The following FAM120A variants were observed in gnomAD, a reference collection of about 807,000 sequenced individuals.
FAM120A encodes family with sequence similarity 120 member A.
Under a neutral mutation model 109.7 loss-of-function variants are expected in FAM120A, and 15 were observed. The observed-to-expected ratio is 0.14, with a 90% CI of 0.09 to 0.21. FAM120A has a LOEUF of 0.21. Ranked by LOEUF, FAM120A falls within the 10% of genes least tolerant of loss-of-function variation. The pLI is 1.00. For synonymous variants in FAM120A, 493 were observed against 572.8 expected (o/e 0.86, Z 1.99); for missense variants, 899 against 1,439.3 (o/e 0.62, Z 6.07).
intron 12 of FAM120A, among the ~76,000 whole-genome samples, chr9:93,551,851 A>G (rs1010283915): frequency 6.6e-6 from 1 of 152,244 alleles, no homozygotes; most frequent in African/African-American, 2.4e-5. Flanking sequence ...TTTACTTTGT[A>G]GATCAAGCTT....
At chr9:93,557,770 A>C in intron 13 of FAM120A, 57 bp from the exon 14 acceptor site, 1 of 1,524,368 alleles carries the variant, frequency 6.6e-7, no homozygotes, top group Non-Finnish European at 8.9e-7. Flanking sequence ...TGCTCATTTA[A>C]ATTCAATTAA....
In FAM120A at chr9:93,498,214, G is replaced by T. The variant is rs1489782066; in HGVS notation, c.934-576G>T. ...TTGAGACTAGCCTGGCCAACATGGT[G>T]AAACCCTGTCTCTATTAAAAATACA... On this transcript the variant is annotated intron_variant, in intron 4 of 17. Transcript: ENST00000277165. This position sits in a 1 kb window ranked among gnomAD's most constrained non-coding sequence, Gnocchi z 4.4. Among the ~76,000 whole-genome samples, 1 of 152,198 alleles carries T rather than the reference G, an allele frequency of 6.6e-6. No homozygotes were observed. The highest frequency in any genetic ancestry group is 1.5e-5 in the Non-Finnish European group (1 of 68,038).
chr9:93,536,569 A>G (rs1861525768), intron 10 of FAM120A, among the ~76,000 whole-genome samples: 1 of 152,170 alleles, frequency 6.6e-6, no homozygotes, highest in Admixed American at 6.5e-5. Flanking sequence ...AAAATATTTA[A>G]CTCTCAGCAG....
intron 12 of FAM120A, among the ~76,000 whole-genome samples, chr9:93,553,535 C>A (rs947527286): frequency 6.6e-6 from 1 of 152,154 alleles, no homozygotes; most frequent in African/African-American, 2.4e-5. Context: ...TTGAGCTAAT[C>A]GGTCAGAGAG....
rs571304663 is a variant in FAM120A, at chr9:93,460,488, C to T, written c.474+8099C>T. On this transcript the variant is annotated intron_variant, in intron 1 of 17. Coordinates refer to ENST00000277165, the MANE Select transcript of FAM120A (RefSeq NM_014612.5). ...TCCCAAGTAGCTGGGATTACAGGCA[C>T]GCCATGCCCAGCTAATTTTTGTATT... Among the ~76,000 whole-genome samples, 63 of 152,118 alleles carry T rather than the reference C, an allele frequency of 4.1e-4. 1 individual carries two copies. In the South Asian group the frequency reaches 6.0e-3, roughly 15 times the overall value.
intron 7 of FAM120A, among the ~76,000 whole-genome samples, chr9:93,520,333 C>T (rs1446358729): frequency 1.3e-5 from 2 of 152,156 alleles, no homozygotes; most frequent in Non-Finnish European, 2.9e-5. Flanking sequence ...AATGCGCTCT[C>T]TCCTGGGCAA....
At chr9:93,455,666 ATCT>A (rs1309983430) in intron 1 of FAM120A, among the ~76,000 whole-genome samples, 1 of 151,490 alleles carries the variant, frequency 6.6e-6, no homozygotes, top group East Asian at 1.9e-4. Context: ...GCTTAGAGAA[ATCT>A]TTTTTTTTTT....
Position 93,498,781 on chromosome 9 carries a change from T to C in FAM120A, c.934-9T>C. ...CTAATTTATGAAGGTTTTCCTGCCT[T>C]TATTTCAGTCTAGAACAGATGACAA... On this transcript the variant is annotated splice_polypyrimidine_tract_variant and intron_variant, in intron 4 of 17. Transcript: ENST00000277165. The surrounding 1 kb of genome is among the most constrained non-coding windows in gnomAD (Gnocchi z 4.4). The C allele has an allele frequency of 6.4e-7, 1 of 1,572,272 alleles. No homozygotes were observed. The highest frequency in any genetic ancestry group is 8.8e-7 in the Non-Finnish European group (1 of 1,142,164).
chr9:93,564,138 T>C, intron 17 of FAM120A, 91 bp from the exon 18 acceptor site: 1 of 1,298,076 alleles, frequency 7.7e-7, no homozygotes, highest in South Asian at 1.4e-5. Context: ...CTCTTGAATC[T>C]GCAGAGAGTG....
In FAM120A at chr9:93,498,640, A is replaced by AT. The variant is rs1859677229; in HGVS notation, c.934-146dup. The AT allele has an allele frequency of 3.0e-6, 2 of 663,984 alleles. No individual in the cohort carries two copies. Among genetic ancestry groups the AT allele is most frequent in the Admixed American group, 5.4e-5 (2 of 36,858 alleles). The allele number at this position is 663,984 out of a possible 1,614,324, so 41.1% of individuals were successfully genotyped here. ...TTGATTCTTTTGTAGTAATCTATTG[A>AT]TTTTCCCTGAAAGTTTTAATGTCAT... On this transcript the variant is annotated intron_variant, in intron 4 of 17. Transcript: ENST00000277165. The surrounding 1 kb of genome is among the most constrained non-coding windows in gnomAD (Gnocchi z 4.4).
intron 7 of FAM120A, among the ~76,000 whole-genome samples, chr9:93,525,657 C>A (rs1432184026): frequency 7.2e-5 from 11 of 152,236 alleles, no homozygotes; most frequent in African/African-American, 2.4e-4. Context: ...TGCTCATCCA[C>A]CTCCTGAGCC....
chr9:93,562,562 G>A (rs1181001041), intron 17 of FAM120A, among the ~76,000 whole-genome samples: 2 of 152,006 alleles, frequency 1.3e-5, no homozygotes, highest in South Asian at 2.1e-4. Flanking sequence ...GTAGCTTCCC[G>A]CCTGGTGTGA....
chr9:93,496,144 T>A (rs1859567629), intron 3 of FAM120A, among the ~76,000 whole-genome samples: 1 of 152,226 alleles, frequency 6.6e-6, no homozygotes, highest in African/African-American at 2.4e-5. Context: ...CCACCACATC[T>A]GCAGTGACTT....
chr9:93,492,243 T>A (rs192364661), intron 3 of FAM120A, among the ~76,000 whole-genome samples: 1 of 152,310 alleles, frequency 6.6e-6, no homozygotes, highest in East Asian at 1.9e-4. Flanking sequence ...TAACTTCTCA[T>A]ACATATATGC....
At chr9:93,483,234 TA>T (rs1320409603) in intron 3 of FAM120A, among the ~76,000 whole-genome samples, 2 of 152,224 alleles carry the variant, frequency 1.3e-5, no homozygotes, top group Non-Finnish European at 2.9e-5. Flanking sequence ...TCACTTCATA[TA>T]TTTTTTTCTT....
At chr9:93,521,863 A>G (rs767630589) in intron 7 of FAM120A, among the ~76,000 whole-genome samples, 7 of 152,218 alleles carry the variant, frequency 4.6e-5, no homozygotes, top group Non-Finnish European at 8.8e-5. Flanking sequence ...TGAGGCAGGC[A>G]GATCACTTGA....
Position 93,452,803 on chromosome 9 carries a change from T to C in FAM120A, c.474+414T>C. ...CTGTTCTTTCCCAGCAACAGGTTCA[T>C]CTTGGAAGCAGGCAGGATACAGAGT... On this transcript the variant is annotated intron_variant, in intron 1 of 17. Transcript: ENST00000277165. This position sits in a 1 kb window ranked among gnomAD's most constrained non-coding sequence, Gnocchi z 7.0. 6.3e-7 allele frequency: 1 copy of C among 1,587,672 alleles called. No individual in the cohort carries two copies. The highest frequency in any genetic ancestry group is 8.5e-7 in the Non-Finnish European group (1 of 1,175,334).
chr9:93,491,207 C>T (rs1483951311), intron 3 of FAM120A, among the ~76,000 whole-genome samples: 5 of 152,196 alleles, frequency 3.3e-5, no homozygotes, highest in Non-Finnish European at 7.3e-5. Context: ...ACCACTGACC[C>T]AACCCCAAGA....
chr9:93,524,504 A>G (rs1860983986), intron 7 of FAM120A, among the ~76,000 whole-genome samples: 1 of 152,216 alleles, frequency 6.6e-6, no homozygotes, highest in African/African-American at 2.4e-5. Flanking sequence ...AGGCCTTGGC[A>G]CACCTCTCTG....
Sources: gnomAD v4.1 joint callset for allele counts (sites outside exome capture counted in the v4.1 genomes callset) on GRCh38, gnomAD v4.1.1 for gene constraint, Gnocchi (gnomAD v3.1) non-coding constraint, MANE v1.5 for transcripts, NCBI Gene and HGNC (gene_info 2026-07-23, HGNC 2026-07-21) for gene names.